ST6GAL2: variants seen among roughly 807,000 people sequenced by gnomAD.
The protein encoded by ST6GAL2 is ST6 beta-galactoside alpha-2,6-sialyltransferase 2, also known as beta-galactoside alpha-2,6-sialyltransferase 2.
A neutral mutation model predicts 37.5 loss-of-function variants in ST6GAL2; 24 were observed. The observed-to-expected ratio is 0.64, with a 90% CI of 0.46 to 0.90. The LOEUF (loss-of-function observed/expected upper bound fraction) is 0.90. Among genes scored for constraint, ST6GAL2 ranks in the 40% least tolerant of loss-of-function variants. The pLI is 0.00. For missense variants in ST6GAL2, 715 were observed against 712.7 expected, an observed-to-expected ratio of 1.00 and a Z score of -0.04; for synonymous variants, 306 against 295.1, an observed-to-expected ratio of 1.04 and a Z score of -0.38.
intron 4 of ST6GAL2, among the ~76,000 whole-genome samples, chr2:106,832,138 T>C (rs905701489): frequency 6.6e-6 from 1 of 152,244 alleles, no homozygotes; most frequent in African/African-American, 2.4e-5. Flanking sequence ...AGGCCCCATT[T>C]AAATAAAAAT....
chr2:106,808,359 T>C (rs749184041), intron 5 of ST6GAL2, among the ~76,000 whole-genome samples: 2 of 152,190 alleles, frequency 1.3e-5, no homozygotes, highest in African/African-American at 4.8e-5. Context: ...GTCAGAGTCA[T>C]GATATGGTAT....
At chr2:106,830,730 T>C (rs993627439) in intron 4 of ST6GAL2, among the ~76,000 whole-genome samples, 2 of 152,194 alleles carry the variant, frequency 1.3e-5, no homozygotes, top group African/African-American at 4.8e-5. Flanking sequence ...GTATTTCAAA[T>C]ATGAGTTTTC....
chr2:106,808,007 A>C (rs1675482062), intron 5 of ST6GAL2, among the ~76,000 whole-genome samples: 1 of 152,226 alleles, frequency 6.6e-6, no homozygotes, highest in Non-Finnish European at 1.5e-5. Flanking sequence ...TGAAAGTTAA[A>C]AAAAAAGACA....
Position 106,832,623 on chromosome 2 carries a change from T to C in ST6GAL2, c.1085A>G (p.Tyr362Cys). The change falls in exon 4 of 6, where the codon TAT (tyrosine) becomes TGT (cysteine). Residue 362 changes from tyrosine (Y) to cysteine (C), a missense_variant. This residue lies in a region of ST6GAL2 where 5 missense variants were observed against 20.3 expected (regional missense o/e 0.25). Transcript: ENST00000409382. The part of the protein sequence containing the change: ...PSHHFIDSSL[Y>C]KDVILVAWDP... ...CCAGGCCACCAAAATGACGTCTTTA[T>C]ACAGTGAACTGTCAATGAAGTGATG... is the stretch of plus-strand genomic sequence containing the variant. The C allele has an allele frequency of 1.2e-6, 2 of 1,612,992 alleles. No individual in the cohort carries two copies. The highest frequency in any genetic ancestry group is 1.7e-6 in the Non-Finnish European group (2 of 1,179,442).
rs1342067416 is a variant in ST6GAL2, at chr2:106,801,884, T to TTTC, written c.*4793_*4794insGAA. On this transcript the variant is annotated 3_prime_UTR_variant, in exon 6 of 6. Coordinates refer to ENST00000409382, the MANE Select transcript of ST6GAL2 (RefSeq NM_001142351.2). The stretch of plus-strand genomic sequence containing the variant: ...TTCATCTAGAATAAAACAGGATTTG[T>TTTC]TATAAATGTTAGATTTTAACACCAC... 6.6e-6 allele frequency: 1 copy of TTTC among 152,126 alleles called. No homozygotes were observed. The highest frequency in any genetic ancestry group is 2.4e-5 in the African/African-American group (1 of 41,474). 9.4% of individuals were successfully genotyped at this position (152,126 alleles called of 1,614,324 possible).
At chr2:106,867,914 A>G (rs1678103138) in intron 1 of ST6GAL2, among the ~76,000 whole-genome samples, 1 of 152,078 alleles carries the variant, frequency 6.6e-6, no homozygotes, top group Admixed American at 6.6e-5. Flanking sequence ...CACAAAAGCC[A>G]CTGTCTGGGT....
intron 1 of ST6GAL2, among the ~76,000 whole-genome samples, chr2:106,852,934 C>A (rs897185886): frequency 2.6e-5 from 4 of 152,194 alleles, no homozygotes; most frequent in African/African-American, 9.7e-5. Context: ...TCAGTTTAAT[C>A]TTGACAACAA....
chr2:106,871,256 A>G, intron 1 of ST6GAL2, among the ~76,000 whole-genome samples: 1 of 152,232 alleles, frequency 6.6e-6, no homozygotes, highest in East Asian at 1.9e-4. Flanking sequence ...GACACTTATC[A>G]TAAATGGAAC....
chr2:106,832,680 G>GA lies in ST6GAL2; in HGVS notation c.1042-15dup, dbSNP rs777119677. On this transcript the variant is annotated splice_polypyrimidine_tract_variant and intron_variant, in intron 3 of 5. Coordinates refer to ENST00000409382, the MANE Select transcript of ST6GAL2 (RefSeq NM_001142351.2). ...GTTGGTCAGAATCTGCAAACACACA[G>GA]AAAAACCATTTCAAAGCCAGGGTTT... is the stretch of plus-strand genomic sequence containing the variant. 2 of 1,528,998 alleles carry GA rather than the reference G, an allele frequency of 1.3e-6. No individual in the cohort carries two copies. The highest frequency in any genetic ancestry group is 1.8e-6 in the Non-Finnish European group (2 of 1,102,560). The allele number at this position is 1,528,998 out of a possible 1,614,324, so 94.7% of individuals were successfully genotyped here.
At position 106,806,538 on chromosome 2, in the gene ST6GAL2, G is replaced by GA. The variant is rs1384238483; in HGVS notation, c.*139dup. The GA allele has an allele frequency of 2.1e-5, 20 of 951,906 alleles. No individual in the cohort carries two copies. The highest frequency in any genetic ancestry group is 2.8e-5 in the Non-Finnish European group (18 of 638,138). 59.0% of individuals were successfully genotyped at this position (951,906 alleles called of 1,614,324 possible). On this transcript the variant is annotated 3_prime_UTR_variant, in exon 6 of 6. Transcript: ENST00000409382. ...ATACATACTCAATGGCTTAGAAAGA[G>GA]AAGGATTATCATGACCACCACTAAA...
chr2:106,813,279 T>A, intron 5 of ST6GAL2: 1 of 1,243,330 alleles, frequency 8.0e-7, no homozygotes, highest in Non-Finnish European at 1.0e-6. Context: ...TAGGCAATTG[T>A]GACTCAAGAG....
At chr2:106,857,383 A>T (rs1677617778) in intron 1 of ST6GAL2, among the ~76,000 whole-genome samples, 1 of 152,156 alleles carries the variant, frequency 6.6e-6, no homozygotes, top group South Asian at 2.1e-4. Flanking sequence ...TGGGAGGATC[A>T]TCTAAGGTCA....
rs1675378583 is a variant in ST6GAL2, at chr2:106,805,257, T to C, written c.*1421A>G. The C allele has an allele frequency of 6.6e-6, 1 of 152,222 alleles. No individual in the cohort carries two copies. Among genetic ancestry groups the C allele is most frequent in the Admixed American group, 6.5e-5 (1 of 15,288 alleles). 9.4% of individuals were successfully genotyped at this position (152,222 alleles called of 1,614,324 possible). A position where few individuals can be genotyped will look rare whatever the true frequency, so the allele number is the denominator to read the frequency against. On this transcript the variant is annotated 3_prime_UTR_variant, in exon 6 of 6. Transcript: ENST00000409382. ...GCATTTAATTAAGCTGCTATTGTCA[T>C]TGCAACAAGTCTTAACTGTACCATG...
chr2:106,863,831 T>C (rs891057818), intron 1 of ST6GAL2, among the ~76,000 whole-genome samples: 1 of 152,178 alleles, frequency 6.6e-6, no homozygotes, highest in African/African-American at 2.4e-5. Context: ...ATTACATGCA[T>C]GTTCTTTCCT....
intron 1 of ST6GAL2, among the ~76,000 whole-genome samples, chr2:106,858,733 A>G (rs1242685950): frequency 1.3e-5 from 2 of 152,062 alleles, no homozygotes; most frequent in Non-Finnish European, 2.9e-5. Context: ...GGAAGAGGAC[A>G]CTAGAGCCCT....
At chr2:106,844,221 C>T (rs952744971) in intron 1 of ST6GAL2, among the ~76,000 whole-genome samples, 187 bp from the exon 2 acceptor site, 2 of 151,884 alleles carry the variant, frequency 1.3e-5, no homozygotes, top group Non-Finnish European at 2.9e-5. Flanking sequence ...CCCCGCCCCC[C>T]ACCTCCCACC....
intron 5 of ST6GAL2, among the ~76,000 whole-genome samples, chr2:106,817,628 G>A (rs1675850956): frequency 6.6e-6 from 1 of 152,128 alleles, no homozygotes; most frequent in Admixed American, 6.5e-5. Flanking sequence ...GGCTTCAGGT[G>A]ACACTCAGCA....
chr2:106,884,934 T>TATATATACACACAC (rs1425070594), intron 1 of ST6GAL2, among the ~76,000 whole-genome samples: 13 of 120,456 alleles, frequency 1.1e-4, no homozygotes, highest in African/African-American at 4.3e-4. Context: ...TATATATATA[T>TATATATACACACAC]ACATACACAC....
chr2:106,861,830 C>T (rs892422944), intron 1 of ST6GAL2, among the ~76,000 whole-genome samples: 4 of 152,158 alleles, frequency 2.6e-5, no homozygotes, highest in Middle Eastern at 3.4e-3. Context: ...TGGGGTTTTA[C>T]CGTGTTGGCC....
Sources: gnomAD v4.1 joint callset for allele counts (sites outside exome capture counted in the v4.1 genomes callset) on GRCh38, gnomAD v4.1.1 for gene constraint, gnomAD v4.1.1 regional missense constraint, MANE v1.5 for transcripts, NCBI Gene and HGNC (gene_info 2026-07-23, HGNC 2026-07-21) for gene names.